The following SPPL2A variants were observed in gnomAD, a reference collection of about 807,000 sequenced individuals.
SPPL2A encodes signal peptide peptidase like 2A, also known as signal peptide peptidase-like 2A.
SPPL2A carries 51 observed loss-of-function variants against 63.8 expected under a neutral mutation model. That is an observed-to-expected ratio of 0.80 (90% CI 0.64 to 1.01). The LOEUF (loss-of-function observed/expected upper bound fraction) is 1.01. Ranked by LOEUF, SPPL2A falls within the 50% of genes least tolerant of loss-of-function variation. SPPL2A has a pLI of 0.00. For missense variants in SPPL2A, 553 were observed against 622.7 expected (o/e 0.89, Z 1.19); for synonymous variants, 188 against 205.8 (o/e 0.91, Z 0.74).
chr15:50,756,254 T>A (rs897747889), intron 1 of SPPL2A, among the ~76,000 whole-genome samples: 11 of 148,392 alleles, frequency 7.4e-5, no homozygotes, highest in Admixed American at 3.5e-4. Flanking sequence ...CCACTTACTC[T>A]GGAGGCTGAG....
intron 14 of SPPL2A, among the ~76,000 whole-genome samples, chr15:50,719,723 T>G (rs75382874): frequency 1.5e-5 from 1 of 67,806 alleles, no homozygotes; most frequent in African/African-American, 4.0e-5. Context: ...TCCTCTGCTG[T>G]TTTTTTTTTT....
chr15:50,721,441 T>C (rs951617079), intron 13 of SPPL2A, among the ~76,000 whole-genome samples: 4 of 151,826 alleles, frequency 2.6e-5, no homozygotes, highest in Non-Finnish European at 4.4e-5. Context: ...TCCTTTCTTT[T>C]TTTTTTTGAG....
chr15:50,740,968 C>T (rs772852854), intron 5 of SPPL2A, among the ~76,000 whole-genome samples: 22 of 152,108 alleles, frequency 1.4e-4, no homozygotes, highest in Non-Finnish European at 2.9e-4. Context: ...TACTATATGC[C>T]TAGTCTATGC....
chr15:50,726,125 T>TG, intron 11 of SPPL2A, 196 bp downstream of exon 11: 1 of 1,517,628 alleles, frequency 6.6e-7, no homozygotes, highest in Non-Finnish European at 8.8e-7. Flanking sequence ...GTTTCCATCA[T>TG]TCTAGGATGA....
At chr15:50,735,366 G>T (rs2062761845) in intron 8 of SPPL2A, among the ~76,000 whole-genome samples, 1 of 151,814 alleles carries the variant, frequency 6.6e-6, no homozygotes, top group Non-Finnish European at 1.5e-5. Context: ...TGGACATTTT[G>T]ATTGTTTCTG....
chr15:50,745,036 A>G (rs1055845885), intron 5 of SPPL2A, among the ~76,000 whole-genome samples: 2 of 152,324 alleles, frequency 1.3e-5, no homozygotes, highest in Non-Finnish European at 1.5e-5. Context: ...GCTGGATTGC[A>G]TTTTACTTTC....
At chr15:50,724,577 CA>C (rs35349553) in intron 12 of SPPL2A, among the ~76,000 whole-genome samples, 39,403 of 124,904 alleles carry the variant, frequency 0.32, 5,571 homozygotes, top group East Asian at 0.58. Flanking sequence ...GACTCCATCT[CA>C]AAAAAAAAAA....
intron 10 of SPPL2A, among the ~76,000 whole-genome samples, chr15:50,727,567 C>T (rs2062695872): frequency 6.6e-6 from 1 of 152,092 alleles, no homozygotes; most frequent in Non-Finnish European, 1.5e-5. Context: ...TTTAAAGATA[C>T]CCGAGTAACT....
At chr15:50,760,023 A>T (rs1216327289) in intron 1 of SPPL2A, among the ~76,000 whole-genome samples, 1 of 152,182 alleles carries the variant, frequency 6.6e-6, no homozygotes, top group African/African-American at 2.4e-5. Context: ...ATTGTGAAGA[A>T]CCTGAAAGTT....
chr15:50,719,524 C>T (rs2062627473), intron 14 of SPPL2A, among the ~76,000 whole-genome samples: 1 of 152,168 alleles, frequency 6.6e-6, no homozygotes. Context: ...GGATTACAGG[C>T]GTGAGCCACC....
At chr15:50,716,010 C>T (rs1024354364) in intron 14 of SPPL2A, among the ~76,000 whole-genome samples, 1 of 151,852 alleles carries the variant, frequency 6.6e-6, no homozygotes, top group Admixed American at 6.6e-5. Flanking sequence ...ATAAAATGCA[C>T]TGAAAAAGAA....
intron 6 of SPPL2A, among the ~76,000 whole-genome samples, chr15:50,738,479 G>A (rs534833460): frequency 1.3e-5 from 2 of 151,548 alleles, no homozygotes; most frequent in African/African-American, 2.4e-5. Context: ...AACCTGGGAG[G>A]TGGAGGTTGC....
At chr15:50,749,249 C>T (rs1463534450) in intron 2 of SPPL2A, among the ~76,000 whole-genome samples, 1 of 152,082 alleles carries the variant, frequency 6.6e-6, no homozygotes, top group East Asian at 1.9e-4. Flanking sequence ...TCCCAAAGTG[C>T]TAGGGTTACA....
intron 2 of SPPL2A, among the ~76,000 whole-genome samples, chr15:50,749,128 C>G (rs1032258069): frequency 1.3e-5 from 2 of 151,942 alleles, no homozygotes; most frequent in Non-Finnish European, 2.9e-5. Flanking sequence ...ATCAGTCATT[C>G]TCACTTCTTC....
At chr15:50,761,728 G>T (rs1233488426) in intron 1 of SPPL2A, among the ~76,000 whole-genome samples, 1 of 151,996 alleles carries the variant, frequency 6.6e-6, no homozygotes, top group African/African-American at 2.4e-5. Context: ...CTGAGCTCAG[G>T]AGTTCAAGAC....
Position 50,710,571 on chromosome 15 carries a change from G to A in SPPL2A, c.1489-2697C>T, listed in dbSNP as rs771427888. Reference sequence around the variant, plus strand: ...TTGCCAAACATTTTCATCATATTTGGAAACAGGAAAGCTTGATTTGGAAAG... The same window carrying A: ...TTGCCAAACATTTTCATCATATTTGAAAACAGGAAAGCTTGATTTGGAAAG... On this transcript the variant is annotated intron_variant, in intron 14 of 14. Transcript: ENST00000261854. Among the ~76,000 whole-genome samples, 115 of 152,092 alleles carry A rather than the reference G, an allele frequency of 7.6e-4. 1 individual carries two copies. Among genetic ancestry groups the A allele is most frequent in the Admixed American group, 5.4e-3 (83 of 15,272 alleles).
In SPPL2A at chr15:50,765,524, G is replaced by T. The variant is rs1031178119; in HGVS notation, c.10C>A (p.Gln4Lys). The T allele has an allele frequency of 4.0e-6, 6 of 1,498,946 alleles. No individual in the cohort carries two copies. Among genetic ancestry groups the T allele is most frequent in the Non-Finnish European group, 4.4e-6 (5 of 1,131,846 alleles). The allele number at this position is 1,498,946 out of a possible 1,614,324, so 92.9% of individuals were successfully genotyped here. MGP[Q>K]RRLSPAGAAL... Reference sequence around the variant, plus strand: ...GCCCCGGCAGGGGACAGCCGCCGCTGCGGCCCCATCGGACTGGTGGGTGCC... The same window carrying T: ...GCCCCGGCAGGGGACAGCCGCCGCTTCGGCCCCATCGGACTGGTGGGTGCC... The change falls in exon 1 of 15, where the codon CAG (glutamine) becomes AAG (lysine). Residue 4 changes from glutamine to lysine, a missense_variant. By Grantham distance (53) the Gln-to-Lys change is moderately conservative. Coordinates refer to ENST00000261854, the MANE Select transcript of SPPL2A (RefSeq NM_032802.4).
intron 2 of SPPL2A, 139 bp downstream of exon 2, chr15:50,749,497 A>G (rs545771638): frequency 6.2e-4 from 388 of 626,370 alleles, no homozygotes; most frequent in Non-Finnish European, 9.7e-4. Context: ...CGTGTTAGCC[A>G]GGATGGTCTT....
intron 14 of SPPL2A, 57 bp downstream of exon 14, chr15:50,719,883 A>T: frequency 7.1e-7 from 1 of 1,404,002 alleles, no homozygotes; most frequent in Non-Finnish European, 9.9e-7. Context: ...TCCCACCCAA[A>T]ATCAGTCAGT....
Sources: gnomAD v4.1 joint callset for allele counts (sites outside exome capture counted in the v4.1 genomes callset) on GRCh38, gnomAD v4.1.1 for gene constraint, MANE v1.5 for transcripts, NCBI Gene and HGNC (gene_info 2026-07-23, HGNC 2026-07-21) for gene names.